Variants in CTNNA1 observed in about 807,000 individuals in gnomAD.
The protein encoded by CTNNA1 is catenin alpha 1, also known as catenin alpha-1.
In CTNNA1, 37 loss-of-function variants were observed where a neutral mutation model predicts 98.4. The observed-to-expected ratio is 0.38, with a 90% CI of 0.29 to 0.49. CTNNA1 has a LOEUF of 0.49. Among genes scored for constraint, CTNNA1 ranks in the 20% least tolerant of loss-of-function variants. CTNNA1 has a pLI of 0.95. For synonymous variants in CTNNA1, 404 were observed against 413.2 expected (o/e 0.98, Z 0.27); for missense variants, 761 against 1,147.2 (o/e 0.66, Z 4.86).
intron 14 of CTNNA1, 82 bp downstream of exon 14, chr5:138,929,438 C>T: frequency 1.4e-6 from 1 of 726,298 alleles, no homozygotes; most frequent in Non-Finnish European, 2.5e-6. Context: ...AAAACACCCT[C>T]AGTATTCAGA....
Position 138,874,328 on chromosome 5 carries a change from C to T in CTNNA1, c.1063-11884C>T. The T allele has an allele frequency of 6.2e-7, 1 of 1,614,028 alleles. No individual in the cohort carries two copies. The highest frequency in any genetic ancestry group is 8.5e-7 in the Non-Finnish European group (1 of 1,179,898). The stretch of plus-strand genomic sequence containing the variant: ...TTGACTGAAGCTGGCAAATTGATCT[C>T]TTTCGAGCTCTGTGATGTGATTGTG... On this transcript the variant is annotated intron_variant, in intron 7 of 17. Transcript: ENST00000302763. The surrounding 1 kb of genome is among the most constrained non-coding windows in gnomAD (Gnocchi z 4.1).
intron 1 of CTNNA1, among the ~76,000 whole-genome samples, chr5:138,770,190 T>C (rs1753385998): frequency 6.6e-6 from 1 of 152,252 alleles, no homozygotes; most frequent in African/African-American, 2.4e-5. Context: ...TTCGGTCCAA[T>C]TGTTCTAAAA....
At chr5:138,920,964 A>T (rs193150290) in intron 11 of CTNNA1, among the ~76,000 whole-genome samples, 21 of 152,216 alleles carry the variant, frequency 1.4e-4, no homozygotes, top group African/African-American at 2.6e-4. Flanking sequence ...GGCGGGGGGA[A>T]CTTTGATCAT....
chr5:138,793,691 C>T (rs1390247355), intron 3 of CTNNA1, among the ~76,000 whole-genome samples: 1 of 152,114 alleles, frequency 6.6e-6, no homozygotes, highest in East Asian at 1.9e-4. Flanking sequence ...GAAAGTGATT[C>T]CAAGTTGAAA....
chr5:138,909,894 G>A (rs1282233465), intron 10 of CTNNA1, among the ~76,000 whole-genome samples: 3 of 152,268 alleles, frequency 2.0e-5, no homozygotes, highest in East Asian at 3.9e-4. Flanking sequence ...TACAGGACGG[G>A]GCAGACCTGT....
chr5:138,876,868 C>T (rs903199491), intron 7 of CTNNA1, among the ~76,000 whole-genome samples: 51 of 152,250 alleles, frequency 3.3e-4, no homozygotes, highest in African/African-American at 1.2e-3. Flanking sequence ...GGTTTGAGTC[C>T]TCCTAGAAGT....
chr5:138,822,682 AGGG>A (rs1180413925), intron 5 of CTNNA1, among the ~76,000 whole-genome samples: 1 of 152,220 alleles, frequency 6.6e-6, no homozygotes, highest in Non-Finnish European at 1.5e-5. Flanking sequence ...TTAAATCTAC[AGGG>A]TCCTGTTTTT....
chr5:138,882,181 T>TCCCC (rs1753053618), intron 7 of CTNNA1, among the ~76,000 whole-genome samples: 7 of 152,358 alleles, frequency 4.6e-5, no homozygotes, highest in African/African-American at 1.4e-4. Context: ...TGTGGTAGCA[T>TCCCC]TCTGTGGGGA....
intron 7 of CTNNA1, among the ~76,000 whole-genome samples, chr5:138,860,828 C>G (rs1312136776): frequency 6.6e-6 from 1 of 152,092 alleles, no homozygotes; most frequent in Non-Finnish European, 1.5e-5. Context: ...TGTCAGAGAA[C>G]AGTTTTGCAC....
In CTNNA1 at chr5:138,874,961, C is replaced by T. The variant is rs1227839773; in HGVS notation, c.1063-11251C>T. Reference sequence around the variant, plus strand: ...ATTCAGTCGCGGTTGTTAGACTCAACGCAGTGAGTCTGTAAAAGGCTCTAA... The same window carrying T: ...ATTCAGTCGCGGTTGTTAGACTCAATGCAGTGAGTCTGTAAAAGGCTCTAA... On this transcript the variant is annotated intron_variant, in intron 7 of 17. Transcript: ENST00000302763. The surrounding 1 kb of genome is among the most constrained non-coding windows in gnomAD (Gnocchi z 4.1). The T allele has an allele frequency of 2.1e-5, 33 of 1,601,180 alleles. No homozygotes were observed. Among genetic ancestry groups the T allele is most frequent in the Non-Finnish European group, 2.5e-5 (29 of 1,169,452 alleles).
chr5:138,753,981 G>A (rs1476722777), intron 1 of CTNNA1: 2 of 152,234 alleles, frequency 1.3e-5, no homozygotes, highest in African/African-American at 4.8e-5. Context: ...CGGCTCCGAG[G>A]CGTTCCTGCC....
At chr5:138,778,093 A>G (rs894676612) in intron 1 of CTNNA1, among the ~76,000 whole-genome samples, 4 of 139,634 alleles carry the variant, frequency 2.9e-5, no homozygotes, top group African/African-American at 1.1e-4. Context: ...CCCCAGGTTC[A>G]TGCCATTCTC....
intron 3 of CTNNA1, among the ~76,000 whole-genome samples, chr5:138,805,273 T>G (rs1251316487): frequency 6.6e-6 from 1 of 152,168 alleles, no homozygotes; most frequent in African/African-American, 2.4e-5. Context: ...CCAAACCATA[T>G]CCACCTAGCA....
chr5:138,767,031 A>G (rs825674), intron 1 of CTNNA1, among the ~76,000 whole-genome samples: 114,635 of 151,268 alleles, frequency 0.76, 43,843 homozygotes, highest in East Asian at 0.99. Context: ...GAATTTCATA[A>G]CTTTTCTTTC....
intron 5 of CTNNA1, among the ~76,000 whole-genome samples, chr5:138,820,045 C>G (rs925069391): frequency 7.0e-6 from 1 of 143,512 alleles, no homozygotes; most frequent in Non-Finnish European, 1.5e-5. Flanking sequence ...CCCTGCCCCC[C>G]ACCGCCAGCC....
intron 9 of CTNNA1, among the ~76,000 whole-genome samples, chr5:138,889,509 AT>A (rs1754871196): frequency 6.6e-6 from 1 of 152,170 alleles, no homozygotes; most frequent in Admixed American, 6.5e-5. Context: ...GGACAGCCTA[AT>A]ACCCCACTGA....
In CTNNA1 at chr5:138,933,789, G is replaced by A; in HGVS notation, c.2434-13G>A. 6.2e-7 allele frequency: 1 copy of A among 1,610,536 alleles called. No homozygotes were observed. Among genetic ancestry groups the A allele is most frequent in the Non-Finnish European group, 8.5e-7 (1 of 1,178,556 alleles). On this transcript the variant is annotated splice_polypyrimidine_tract_variant and intron_variant, in intron 17 of 17. Coordinates refer to ENST00000302763, the MANE Select transcript of CTNNA1 (RefSeq NM_001903.5). ...CAGGCCGGTGCTTCTTACCACCCCT[G>A]TCTGCCTCGTAGGTGGACAGCGCCA...
chr5:138,839,647 C>T (rs1196015351), intron 7 of CTNNA1, among the ~76,000 whole-genome samples: 1 of 152,154 alleles, frequency 6.6e-6, no homozygotes, highest in African/African-American at 2.4e-5. Flanking sequence ...CAGTCTCCAA[C>T]TTTAATTGTA....
At chr5:138,783,961 A>G (rs1395448604) in intron 3 of CTNNA1, among the ~76,000 whole-genome samples, 1 of 152,252 alleles carries the variant, frequency 6.6e-6, no homozygotes, top group East Asian at 1.9e-4. Context: ...ATAAAAAGTA[A>G]AATGGTAATC....
Sources: gnomAD v4.1 joint callset for allele counts (sites outside exome capture counted in the v4.1 genomes callset) on GRCh38, gnomAD v4.1.1 for gene constraint, Gnocchi (gnomAD v3.1) non-coding constraint, MANE v1.5 for transcripts, NCBI Gene and HGNC (gene_info 2026-07-23, HGNC 2026-07-21) for gene names.